Variants in TGOLN2 observed in about 807,000 individuals in gnomAD.
TGOLN2 encodes the protein trans-Golgi network integral membrane protein 2.
Under a neutral mutation model 31.3 loss-of-function variants are expected in TGOLN2, and 19 were observed. The observed-to-expected ratio is 0.61, with a 90% CI of 0.42 to 0.89. The LOEUF is 0.89. TGOLN2 is among the 40% of genes least tolerant of loss of function. The probability of loss-of-function intolerance (pLI) is 0.00; values close to 1 mark genes in which losing one functional copy is unlikely to be tolerated. For missense variants in TGOLN2, 540 were observed against 559.2 expected (o/e 0.97, Z 0.35); for synonymous variants, 222 against 226.7 (o/e 0.98, Z 0.19).
In TGOLN2 at chr2:85,322,570, G is replaced by A; in HGVS notation, c.*166C>T. ...CCCAGACCCGCCACTAAATTCTAGA[G>A]GAGGGTGTCTCTCAGGTCACAGTAC... On this transcript the variant is annotated 3_prime_UTR_variant, in exon 4 of 4. Transcript: ENST00000377386. The A allele has an allele frequency of 4.1e-6, 6 of 1,447,884 alleles. No homozygotes were observed. Among genetic ancestry groups the A allele is most frequent in the Non-Finnish European group, 5.5e-6 (6 of 1,088,092 alleles). The allele number at this position is 1,447,884 out of a possible 1,614,324, so 89.7% of individuals were successfully genotyped here.
Position 85,327,181 on chromosome 2 carries a change from G to C in TGOLN2, c.551C>G (p.Ala184Gly). 1.9e-6 allele frequency: 3 copies of C among 1,613,442 alleles called. No homozygotes were observed. Among genetic ancestry groups the C allele is most frequent in the Non-Finnish European group, 2.5e-6 (3 of 1,179,802 alleles). Residue 184 changes from alanine to glycine, a missense_variant, in exon 2 of 4, where the codon GCG becomes GGG. Coordinates refer to ENST00000377386, the MANE Select transcript of TGOLN2 (RefSeq NM_006464.4). ...GCCGTCTTTTGGGGTCTGGCCGTCC[G>C]CACCCGACTTATTAGGGACATCTTT... ...TTKDVPNKSGADGQTPKDGSS... is the reference protein window; with the variant it reads ...TTKDVPNKSGGDGQTPKDGSS...
chr2:85,321,075 G>T lies in TGOLN2; in HGVS notation c.*1661C>A, dbSNP rs1682530165. 1 of 152,310 alleles carries T rather than the reference G, an allele frequency of 6.6e-6. No homozygotes were observed. The highest frequency in any genetic ancestry group is 1.5e-5 in the Non-Finnish European group (1 of 68,068). The allele number at this position is 152,310 out of a possible 1,614,324, so 9.4% of individuals were successfully genotyped here. ...GGGTGCATACGAAGGTGGATGGAAA[G>T]GAGCTGGTACAGATGGGCACAACCA... is the stretch of plus-strand genomic sequence containing the variant. On this transcript the variant is annotated 3_prime_UTR_variant, in exon 4 of 4. Transcript: ENST00000377386.
rs1316377524 is a variant in TGOLN2 at position 85,321,844 on chromosome 2, C to T, written c.*892G>A. 2.6e-5 allele frequency: 4 copies of T among 152,190 alleles called. No individual in the cohort carries two copies. The highest frequency in any genetic ancestry group is 2.1e-4 in the South Asian group (1 of 4,828). The allele number at this position is 152,190 out of a possible 1,614,324, so 9.4% of individuals were successfully genotyped here. ...ACCAAAACCCTCCTTCATGTTTTCT[C>T]GCATGAAACATAAACTTGCCCTATT... On this transcript the variant is annotated 3_prime_UTR_variant, in exon 4 of 4. Coordinates refer to ENST00000377386, the MANE Select transcript of TGOLN2 (RefSeq NM_006464.4).
At chr2:85,323,542 G>T (rs1455257601) in intron 3 of TGOLN2, among the ~76,000 whole-genome samples, 3 of 152,180 alleles carry the variant, frequency 2.0e-5, no homozygotes, top group African/African-American at 7.2e-5. Context: ...CTCCAGCCTG[G>T]ACGACACAGC....
chr2:85,323,901 C>T (rs1573047351), intron 3 of TGOLN2, among the ~76,000 whole-genome samples: 1 of 152,142 alleles, frequency 6.6e-6, no homozygotes. Flanking sequence ...TTAGAGAGAC[C>T]CTTGCTTAGC....
At position 85,322,737 on chromosome 2, in the gene TGOLN2, T is replaced by C. The variant is rs1278092347; in HGVS notation, c.1313A>G (p.Ter438=). The change falls in exon 4 of 4, where the codon TAA becomes TGA. Residue 438 remains the stop codon, a stop_retained_variant. Coordinates refer to ENST00000377386, the MANE Select transcript of TGOLN2 (RefSeq NM_006464.4). ...SDYQRLDQKS[*] Reference sequence around the variant, plus strand: ...TTTCCAGAGGAATATACCATTCTGTTAGGACTTAGGGGAAAAAAGATCTTT... The same window carrying C: ...TTTCCAGAGGAATATACCATTCTGTCAGGACTTAGGGGAAAAAAGATCTTT... 3.7e-6 allele frequency: 6 copies of C among 1,611,904 alleles called. No homozygotes were observed. The highest frequency in any genetic ancestry group is 5.1e-6 in the Non-Finnish European group (6 of 1,179,450).
chr2:85,325,105 A>C (rs1682686248), intron 2 of TGOLN2, 107 bp from the exon 3 acceptor site: 1 of 1,034,126 alleles, frequency 9.7e-7, no homozygotes, highest in African/African-American at 1.6e-5. Context: ...AATGACCCTG[A>C]CTGTAGAAAG....
At chr2:85,325,333 T>C (rs1425383913) in intron 2 of TGOLN2, among the ~76,000 whole-genome samples, 1 of 152,170 alleles carries the variant, frequency 6.6e-6, no homozygotes, top group Non-Finnish European at 1.5e-5. Context: ...AGGACATTCC[T>C]TTAAAAAAAG....
chr2:85,327,781 AT>A, intron 1 of TGOLN2, 96 bp from the exon 2 acceptor site: 1 of 301,258 alleles, frequency 3.3e-6, no homozygotes, highest in Non-Finnish European at 5.9e-6. Flanking sequence ...GGGAATGGGG[AT>A]TGGGGGGTGG....
rs1558675332 is a variant in TGOLN2, at chr2:85,327,695, A to G, written c.47-10T>C. The G allele has an allele frequency of 1.2e-6, 2 of 1,608,232 alleles. No individual in the cohort carries two copies. Among genetic ancestry groups the G allele is most frequent in the East Asian group, 4.5e-5 (2 of 44,758 alleles). ...AAGAGCGGCACGGCTCCTGAAATAG[A>G]AAAACGAGTTAGCACCGGAGAAGGG... On this transcript the variant is annotated splice_polypyrimidine_tract_variant and intron_variant, in intron 1 of 3. Transcript: ENST00000377386.
At position 85,327,379 on chromosome 2, in the gene TGOLN2, G is replaced by A. The variant is rs370013515; in HGVS notation, c.353C>T (p.Thr118Ile). The stretch of plus-strand genomic sequence containing the variant: ...CGACTTACTAGTGCTGTCTTTTGTG[G>A]TCTGCGCCTCCGAACCCGACTTGCT... ...STSKSGSEAQ[T>I]TKDSTSKSHP... The change falls in exon 2 of 4, where the codon ACC (threonine) becomes ATC (isoleucine). Residue 118 changes from threonine to isoleucine, a missense_variant. By Grantham distance (89) the Thr-to-Ile change is moderately conservative (BLOSUM62 -1). Transcript: ENST00000377386. The A allele has an allele frequency of 8.1e-6, 13 of 1,610,528 alleles. No individual in the cohort carries two copies. The highest frequency in any genetic ancestry group is 5.0e-5 in the Admixed American group (3 of 59,522).
rs1005508219 is a variant in TGOLN2, at chr2:85,319,215, A to G, written c.*3521T>C. On this transcript the variant is annotated 3_prime_UTR_variant, in exon 4 of 4. Transcript: ENST00000377386. Reference sequence around the variant, plus strand: ...TTTTTTTGAGACGGAGTCTCGCTCTATTGGCAGGTTGGAGTTCAGTGGCAC... The same window carrying G: ...TTTTTTTGAGACGGAGTCTCGCTCTGTTGGCAGGTTGGAGTTCAGTGGCAC... 2.5e-5 allele frequency: 3 copies of G among 120,268 alleles called. No individual in the cohort carries two copies. The highest frequency in any genetic ancestry group is 3.3e-5 in the African/African-American group (1 of 30,358). The allele number at this position is 120,268 out of a possible 1,614,324, so 7.5% of individuals were successfully genotyped here.
intron 2 of TGOLN2, 80 bp downstream of exon 2, chr2:85,326,428 G>C: frequency 7.0e-7 from 1 of 1,428,868 alleles, no homozygotes; most frequent in Non-Finnish European, 9.7e-7. Context: ...CGGGCATCTA[G>C]TGACGGGATA....
chr2:85,322,574 G>A lies in TGOLN2; in HGVS notation c.*162C>T. On this transcript the variant is annotated 3_prime_UTR_variant, in exon 4 of 4. Coordinates refer to ENST00000377386, the MANE Select transcript of TGOLN2 (RefSeq NM_006464.4). ...GACCCGCCACTAAATTCTAGAGGAG[G>A]GTGTCTCTCAGGTCACAGTACTTTT... 1 of 1,454,938 alleles carries A rather than the reference G, an allele frequency of 6.9e-7. No individual in the cohort carries two copies. The highest frequency in any genetic ancestry group is 9.1e-7 in the Non-Finnish European group (1 of 1,093,888). 90.1% of individuals were successfully genotyped at this position (1,454,938 alleles called of 1,614,324 possible).
At chr2:85,323,638 G>A (rs925155805) in intron 3 of TGOLN2, among the ~76,000 whole-genome samples, 1 of 152,238 alleles carries the variant, frequency 6.6e-6, no homozygotes. Context: ...CAGTAGTCCA[G>A]AGCTAAATTG....
rs773800468 is a variant in TGOLN2 at position 85,322,290 on chromosome 2, G to C, written c.*446C>G. On this transcript the variant is annotated 3_prime_UTR_variant, in exon 4 of 4. Coordinates refer to ENST00000377386, the MANE Select transcript of TGOLN2 (RefSeq NM_006464.4). ...CAGTTTTCCCCTAGGTCTGCAGAGAGAAACAGTGCAGAGTGCAATGCCACA... is the reference window on the plus strand; with the variant it reads ...CAGTTTTCCCCTAGGTCTGCAGAGACAAACAGTGCAGAGTGCAATGCCACA... 5 of 214,974 alleles carry C rather than the reference G, an allele frequency of 2.3e-5. No individual in the cohort carries two copies. Among genetic ancestry groups the C allele is most frequent in the Non-Finnish European group, 4.6e-5 (5 of 109,682 alleles). 13.3% of individuals were successfully genotyped at this position (214,974 alleles called of 1,614,324 possible).
Position 85,327,641 on chromosome 2 carries a change from CTT to C in TGOLN2, c.89_90del (p.Glu30GlyfsTer38). 1 of 1,613,114 alleles carries C rather than the reference CTT, an allele frequency of 6.2e-7. No individual in the cohort carries two copies. The highest frequency in any genetic ancestry group is 8.5e-7 in the Non-Finnish European group (1 of 1,179,244). ...LLATESVKQEEAGVRPSAGNV... is the reference protein window; with the variant it reads ...LLATESVKQEXAGVRPSAGNV... Reference sequence around the variant, plus strand: ...TTTCCTGCAGAAGGCCGTACTCCAGCTTCTTCTTGCTTGACGCTTTCGGTGGC... The same window carrying C: ...TTTCCTGCAGAAGGCCGTACTCCAGCCTTCTTGCTTGACGCTTTCGGTGGC... On this transcript the variant is annotated frameshift_variant, in exon 2 of 4. Transcript: ENST00000377386. LOFTEE classifies it high-confidence loss of function.
intron 3 of TGOLN2, 173 bp from the exon 4 acceptor site, chr2:85,322,914 C>CCTGG: frequency 4.3e-6 from 5 of 1,160,518 alleles, no homozygotes; most frequent in Non-Finnish European, 6.0e-6. Context: ...AGAGAGGAAT[C>CCTGG]CTGGCTTCTG....
rs376456495 is a variant in TGOLN2, at chr2:85,327,066, G to C, written c.666C>G (p.Asn222Lys). Reference protein sequence around the residue: ...AEKQTPKDGSNKSGAEEQGPI... With the variant: ...AEKQTPKDGSKKSGAEEQGPI... Reference sequence around the variant, plus strand: ...GGCCCTGCTCCTCTGCACCGGACTTGTTAGAGCCGTCTTTTGGAGTCTGCT... The same window carrying C: ...GGCCCTGCTCCTCTGCACCGGACTTCTTAGAGCCGTCTTTTGGAGTCTGCT... The change falls in exon 2 of 4, where the codon AAC becomes AAG. Residue 222 changes from asparagine (N) to lysine (K), a missense_variant. Physicochemically the swap from Asn to Lys is moderately conservative, Grantham distance 94. Coordinates refer to ENST00000377386, the MANE Select transcript of TGOLN2 (RefSeq NM_006464.4). The C allele has an allele frequency of 4.3e-6, 7 of 1,613,058 alleles. No homozygotes were observed. Among genetic ancestry groups the C allele is most frequent in the African/African-American group, 1.3e-5 (1 of 74,636 alleles).
Sources: allele counts gnomAD v4.1 joint callset (sites outside exome capture counted in the v4.1 genomes callset), GRCh38; gene constraint gnomAD v4.1.1; transcripts MANE v1.5; gene names NCBI Gene and HGNC (gene_info 2026-07-23, HGNC 2026-07-21).